The following CSMD3 variants were observed in gnomAD, a reference collection of about 807,000 sequenced individuals.
The protein encoded by CSMD3 is CUB and Sushi multiple domains 3.
In CSMD3, 177 loss-of-function variants were observed where a neutral mutation model predicts 435.2. The observed-to-expected ratio is 0.41, with a 90% CI of 0.36 to 0.46. The LOEUF (loss-of-function observed/expected upper bound fraction) is 0.46, where lower values mean the gene tolerates loss of function less well. Ranked by LOEUF, CSMD3 falls within the 20% of genes least tolerant of loss-of-function variation. CSMD3 has a pLI of 0.34. For missense variants in CSMD3, 4,265 were observed against 4,504.6 expected (o/e 0.95, Z 1.52); for synonymous variants, 1,656 against 1,520.5 (o/e 1.09, Z -2.07).
intron 5 of CSMD3, among the ~76,000 whole-genome samples, chr8:113,058,918 C>T (rs895670805): frequency 1.3e-5 from 2 of 152,014 alleles, no homozygotes; most frequent in Non-Finnish European, 2.9e-5. Flanking sequence ...ATAATATAGA[C>T]TTCAACAAAT....
chr8:112,408,624 C>T (rs992363737), intron 33 of CSMD3, among the ~76,000 whole-genome samples: 1 of 151,940 alleles, frequency 6.6e-6, no homozygotes, highest in African/African-American at 2.4e-5. Flanking sequence ...CATTTTTATA[C>T]ATATTGCCTC....
At chr8:113,294,933 T>C (rs2093709308) in intron 2 of CSMD3, among the ~76,000 whole-genome samples, 1 of 152,284 alleles carries the variant, frequency 6.6e-6, no homozygotes, top group East Asian at 1.9e-4. Flanking sequence ...CATGTGGGTG[T>C]CATGTACTGA....
intron 1 of CSMD3, among the ~76,000 whole-genome samples, chr8:113,396,795 T>C (rs1341052345): frequency 6.6e-6 from 1 of 152,158 alleles, no homozygotes; most frequent in Admixed American, 6.5e-5. Context: ...CCATAATTCC[T>C]GTATAATCAC....
intron 27 of CSMD3, among the ~76,000 whole-genome samples, chr8:112,524,920 C>T (rs910848001): frequency 1.3e-5 from 2 of 151,782 alleles, no homozygotes; most frequent in African/African-American, 4.8e-5. Context: ...ACATTTAATG[C>T]CCTTTTTACT....
At chr8:112,827,366 T>G (rs2079728987) in intron 12 of CSMD3, among the ~76,000 whole-genome samples, 1 of 151,506 alleles carries the variant, frequency 6.6e-6, no homozygotes, top group Non-Finnish European at 1.5e-5. Context: ...TGGAAGTTTT[T>G]TTTGTGGCAG....
At chr8:112,578,340 T>C (rs1830097837) in intron 23 of CSMD3, among the ~76,000 whole-genome samples, 1 of 151,942 alleles carries the variant, frequency 6.6e-6, no homozygotes, top group African/African-American at 2.4e-5. Flanking sequence ...TTTTTTGTTA[T>C]ATAATAGAGT....
intron 64 of CSMD3, 95 bp from the exon 65 acceptor site, chr8:112,244,668 GC>G (rs1368553808): frequency 7.3e-6 from 6 of 818,432 alleles, no homozygotes; most frequent in Non-Finnish European, 1.2e-5. Context: ...ATACTTCAAT[GC>G]CTTTATATAC....
chr8:112,919,636 G>A (rs1256172231), intron 10 of CSMD3, among the ~76,000 whole-genome samples: 1 of 151,602 alleles, frequency 6.6e-6, no homozygotes, highest in Non-Finnish European at 1.5e-5. Context: ...CATTGAAGTA[G>A]GATATTTGAA....
At chr8:112,588,133 C>T (rs1396677268) in intron 22 of CSMD3, among the ~76,000 whole-genome samples, 2 of 150,066 alleles carry the variant, frequency 1.3e-5, no homozygotes, top group Non-Finnish European at 3.0e-5. Flanking sequence ...ATTACCAAAC[C>T]ATAGGGCAGA....
intron 12 of CSMD3, among the ~76,000 whole-genome samples, chr8:112,814,453 C>A (rs1284473776): frequency 6.6e-6 from 1 of 152,120 alleles, no homozygotes; most frequent in African/African-American, 2.4e-5. Context: ...GGAAAAGTCT[C>A]TTCCAGCACT....
intron 10 of CSMD3, among the ~76,000 whole-genome samples, chr8:112,883,901 C>G (rs2081517585): frequency 6.6e-6 from 1 of 151,752 alleles, no homozygotes; most frequent in Non-Finnish European, 1.5e-5. Flanking sequence ...CAATGTGGAA[C>G]AAGGTTGAGC....
intron 59 of CSMD3, among the ~76,000 whole-genome samples, chr8:112,271,635 C>T (rs903243139): frequency 6.6e-6 from 1 of 151,998 alleles, no homozygotes; most frequent in Non-Finnish European, 1.5e-5. Flanking sequence ...AAGTTGTTTC[C>T]TCTCTAAGAA....
At chr8:112,443,455 C>G (rs1359604313) in intron 32 of CSMD3, among the ~76,000 whole-genome samples, 1 of 151,964 alleles carries the variant, frequency 6.6e-6, no homozygotes, top group Non-Finnish European at 1.5e-5. Flanking sequence ...TATATTCATA[C>G]AAAAAATCTA....
chr8:113,418,716 A>G (rs1412038682), intron 1 of CSMD3, among the ~76,000 whole-genome samples: 1 of 152,188 alleles, frequency 6.6e-6, no homozygotes, highest in Non-Finnish European at 1.5e-5. Context: ...GTCTAAGATT[A>G]TATATCGGAA....
intron 66 of CSMD3, among the ~76,000 whole-genome samples, chr8:112,240,882 A>T (rs1357845642): frequency 6.6e-6 from 1 of 151,924 alleles, no homozygotes; most frequent in Non-Finnish European, 1.5e-5. Flanking sequence ...CTTCCTCATT[A>T]TCTCTTTGCC....
chr8:113,173,644 G>T, intron 4 of CSMD3, 78 bp downstream of exon 4: 1 of 1,170,676 alleles, frequency 8.5e-7, no homozygotes, highest in Non-Finnish European at 1.3e-6. Flanking sequence ...AGATTCCGTA[G>T]AAGAAACAGG....
chr8:112,747,183 CTTTTTTTTTTTTTTTTTTTTTTT>C (rs71309787), intron 13 of CSMD3, among the ~76,000 whole-genome samples: 11 of 26,944 alleles, frequency 4.1e-4, no homozygotes, highest in Non-Finnish European at 4.7e-4. Context: ...GCACACTTCC[CTTTTTTTTTTTTTTTTTTTTTTT>C]TTTTTTTTTT....
intron 18 of CSMD3, among the ~76,000 whole-genome samples, chr8:112,651,811 C>T (rs1182298436): frequency 6.6e-6 from 1 of 151,900 alleles, no homozygotes. Context: ...GCTGGGATTA[C>T]AGGCGTGAGT....
chr8:113,046,838 C>A (rs1296055996), intron 5 of CSMD3, among the ~76,000 whole-genome samples: 3 of 152,128 alleles, frequency 2.0e-5, no homozygotes, highest in Admixed American at 2.0e-4. Flanking sequence ...ACTTTACAGA[C>A]GATGTAACCT....
Sources: allele counts gnomAD v4.1 joint callset (sites outside exome capture counted in the v4.1 genomes callset), GRCh38; gene constraint gnomAD v4.1.1; transcripts MANE v1.5; gene names NCBI Gene and HGNC (gene_info 2026-07-23, HGNC 2026-07-21).